Variants in MPP3 observed in about 807,000 individuals in gnomAD.
MPP3 encodes the protein MAGUK p55 subfamily member 3.
Under a neutral mutation model 80.7 loss-of-function variants are expected in MPP3, and 48 were observed. The ratio of observed to expected loss-of-function variants is 0.59; its 90% CI spans 0.47 to 0.76. The LOEUF is 0.76. Among genes scored for constraint, MPP3 ranks in the 30% least tolerant of loss-of-function variants. The probability of loss-of-function intolerance (pLI) is 0.00; values close to 1 mark genes in which losing one functional copy is unlikely to be tolerated. For synonymous variants in MPP3, 311 were observed against 297.6 expected (o/e 1.04, Z -0.46); for missense variants, 620 against 763.0 (o/e 0.81, Z 2.21).
intron 18 of MPP3, 38 bp from the exon 19 acceptor site, chr17:43,809,116 A>C (rs769407812): frequency 6.4e-7 from 1 of 1,555,422 alleles, no homozygotes; most frequent in Non-Finnish European, 8.6e-7. Context: ...ATACTTTTGA[A>C]GTGTTTTGTT....
intron 11 of MPP3, among the ~76,000 whole-genome samples, chr17:43,819,586 C>T (rs1216315797): frequency 1.3e-5 from 2 of 151,966 alleles, no homozygotes; most frequent in Non-Finnish European, 2.9e-5. Context: ...GAGCGTCTGG[C>T]TTTTCCACTG....
At chr17:43,822,140 G>C (rs187253705) in intron 10 of MPP3, among the ~76,000 whole-genome samples, 2 of 152,318 alleles carry the variant, frequency 1.3e-5, no homozygotes, top group Admixed American at 1.3e-4. Context: ...ACATTCGCTT[G>C]TCCTAGGAAG....
intron 8 of MPP3, among the ~76,000 whole-genome samples, chr17:43,826,071 C>G (rs1192838545): frequency 2.0e-5 from 3 of 152,250 alleles, no homozygotes; most frequent in Admixed American, 2.0e-4. Context: ...CAAGTTGGCA[C>G]CTGAGACCCA....
intron 16 of MPP3, among the ~76,000 whole-genome samples, chr17:43,813,714 C>T (rs1321143963): frequency 6.6e-6 from 1 of 152,080 alleles, no homozygotes; most frequent in Non-Finnish European, 1.5e-5. Flanking sequence ...ACTGTGGGGG[C>T]CCCGTGGTGT....
intron 7 of MPP3, among the ~76,000 whole-genome samples, chr17:43,828,118 C>G (rs1259775602): frequency 6.6e-6 from 1 of 152,106 alleles, no homozygotes; most frequent in Admixed American, 6.5e-5. Context: ...AAGGGGAAAG[C>G]TTTTTGTGAT....
Position 43,815,391 on chromosome 17 carries a change from G to A in MPP3, c.1009+647C>T, listed in dbSNP as rs548218706. Among the ~76,000 whole-genome samples the A allele has an allele frequency of 1.2e-4, 19 of 152,218 alleles. No individual in the cohort carries two copies. In the East Asian group the frequency reaches 1.4e-3, roughly 11 times the overall value. ...TAGAAAGGAGGATTGCTTGAAGCCA[G>A]GAGCTTGAAACCAGCTGGGCAACAT... On this transcript the variant is annotated intron_variant, in intron 14 of 19. Transcript: ENST00000398389.
At chr17:43,829,853 G>C in intron 6 of MPP3, 62 bp from the exon 7 acceptor site, 1 of 1,608,916 alleles carries the variant, frequency 6.2e-7, no homozygotes, top group Non-Finnish European at 8.5e-7. Context: ...GCAGGCCGCA[G>C]CTGGCCGGTG....
intron 9 of MPP3, among the ~76,000 whole-genome samples, chr17:43,824,382 G>A (rs2045601785): frequency 6.6e-6 from 1 of 152,038 alleles, no homozygotes; most frequent in African/African-American, 2.4e-5. Flanking sequence ...TCCCTTCCTT[G>A]CTTTTCTCCT....
At chr17:43,829,849 C>A in intron 6 of MPP3, 58 bp from the exon 7 acceptor site, 1 of 1,609,048 alleles carries the variant, frequency 6.2e-7, no homozygotes, top group Non-Finnish European at 8.5e-7. Flanking sequence ...GTCAGCAGGC[C>A]GCAGCTGGCC....
chr17:43,823,854 G>A, intron 10 of MPP3, 77 bp downstream of exon 10: 2 of 1,011,216 alleles, frequency 2.0e-6, no homozygotes, highest in Non-Finnish European at 3.1e-6. Context: ...ACAAGAGACT[G>A]GACTGGATCC....
intron 13 of MPP3, 87 bp from the exon 14 acceptor site, chr17:43,816,166 G>A: frequency 8.3e-7 from 1 of 1,206,870 alleles, no homozygotes; most frequent in Non-Finnish European, 1.1e-6. Context: ...GGCCAGGCAG[G>A]AAGAGCCCCC....
At chr17:43,805,478 T>C (rs2154591109) in intron 19 of MPP3, among the ~76,000 whole-genome samples, 1 of 152,282 alleles carries the variant, frequency 6.6e-6, no homozygotes, top group Non-Finnish European at 1.5e-5. Flanking sequence ...AAAACATATG[T>C]TCACACAAAA....
intron 10 of MPP3, among the ~76,000 whole-genome samples, chr17:43,821,901 T>C (rs946610873): frequency 6.6e-6 from 1 of 152,228 alleles, no homozygotes; most frequent in Non-Finnish European, 1.5e-5. Context: ...CTGGCATATG[T>C]TGTGGGGACA....
intron 11 of MPP3, among the ~76,000 whole-genome samples, chr17:43,820,605 TACACACACACACACAC>T (rs61249899): frequency 1.6e-5 from 2 of 125,250 alleles, no homozygotes; most frequent in South Asian, 2.7e-4. Flanking sequence ...AAAAAAAAAA[TACACACACACACACAC>T]ACACACACAC....
intron 13 of MPP3, 100 bp downstream of exon 13, chr17:43,816,577 A>C: frequency 4.3e-5 from 46 of 1,061,190 alleles, no homozygotes; most frequent in Non-Finnish European, 6.1e-5. Flanking sequence ...TGGGAGGGGC[A>C]CAGCTGCCCA....
chr17:43,814,503 A>G, intron 14 of MPP3, 142 bp from the exon 15 acceptor site: 2 of 744,128 alleles, frequency 2.7e-6, no homozygotes, highest in Non-Finnish European at 4.2e-6. Context: ...TGCTACTGGA[A>G]GAGGTTGTTC....
chr17:43,804,989 G>T (rs906121684), intron 19 of MPP3, among the ~76,000 whole-genome samples: 5 of 152,134 alleles, frequency 3.3e-5, no homozygotes, highest in Non-Finnish European at 7.3e-5. Context: ...TTGCGCTCCA[G>T]CCTGGGCAAC....
chr17:43,809,157 G>C (rs532314447), intron 18 of MPP3, 79 bp from the exon 19 acceptor site: 2 of 1,431,314 alleles, frequency 1.4e-6, no homozygotes, highest in Non-Finnish European at 1.9e-6. Context: ...CTCAATAATC[G>C]TGTGCTTCAA....
chr17:43,811,035 C>A lies in MPP3; in HGVS notation c.1349+77G>T, dbSNP rs969824966. 8 of 1,478,292 alleles carry A rather than the reference C, an allele frequency of 5.4e-6. No individual in the cohort carries two copies. The East Asian group carries it at 1.8e-4, about 33-fold the overall frequency. The allele number at this position is 1,478,292 out of a possible 1,614,324, so 91.6% of individuals were successfully genotyped here. A position where few individuals can be genotyped will look rare whatever the true frequency, so the allele number is the denominator to read the frequency against. On this transcript the variant is annotated intron_variant, in intron 17 of 19. Transcript: ENST00000398389. ...TTCCCCCATCCTTTCCGGGAGTCCT[C>A]CCAGGAGCTCTAGTGGAATACAGAT...
Sources: allele counts gnomAD v4.1 joint callset (sites outside exome capture counted in the v4.1 genomes callset), GRCh38; gene constraint gnomAD v4.1.1; transcripts MANE v1.5; gene names NCBI Gene and HGNC (gene_info 2026-07-23, HGNC 2026-07-21).